The following RORB variants were observed in gnomAD, a reference collection of about 807,000 sequenced individuals.
RORB encodes nuclear receptor ROR-beta.
A neutral mutation model predicts 59.1 loss-of-function variants in RORB; 6 were observed. That is an observed-to-expected ratio of 0.10 (90% CI 0.06 to 0.20). The LOEUF is 0.20. Among genes scored for constraint, RORB ranks in the 10% least tolerant of loss-of-function variants. The pLI is 1.00. For missense variants in RORB, 320 were observed against 560.5 expected, an observed-to-expected ratio of 0.57 and a Z score of 4.33; for synonymous variants, 215 against 204.5, an observed-to-expected ratio of 1.05 and a Z score of -0.44.
chr9:74,642,380 C>A (rs1823823102), intron 3 of RORB, 34 bp from the exon 4 acceptor site: 8 of 1,572,198 alleles, frequency 5.1e-6, no homozygotes, highest in Non-Finnish European at 6.9e-6. Context: ...ATGATAACCA[C>A]AAGTGCTGTT....
rs75685222 is a variant in RORB at position 74,574,236 on chromosome 9, C to A, written c.8-56046C>A. Reference sequence around the variant, plus strand: ...CCCACTACCTGATTAGCAAACAGATCCAGCCCTGAGTCAGTTTCAGGGGTC... The same window carrying A: ...CCCACTACCTGATTAGCAAACAGATACAGCCCTGAGTCAGTTTCAGGGGTC... On this transcript the variant is annotated intron_variant, in intron 1 of 9. Coordinates refer to ENST00000376896, the MANE Select transcript of RORB (RefSeq NM_006914.4). Among the ~76,000 whole-genome samples, 527 of 152,196 alleles carry A rather than the reference C, an allele frequency of 3.5e-3. 3 individuals are homozygous for A. The highest frequency in any genetic ancestry group is 4.2e-3 in the Non-Finnish European group (286 of 68,000).
chr9:74,522,793 G>A (rs1302281537), intron 1 of RORB, among the ~76,000 whole-genome samples: 2 of 151,794 alleles, frequency 1.3e-5, no homozygotes, highest in African/African-American at 4.8e-5. Flanking sequence ...ACTGTACCCA[G>A]ATAATCAACC....
intron 9 of RORB, among the ~76,000 whole-genome samples, chr9:74,676,463 G>A (rs555891020): frequency 1.3e-5 from 2 of 152,242 alleles, no homozygotes; most frequent in Admixed American, 6.5e-5. Flanking sequence ...GGCTTAGAGA[G>A]GATGTTGCTT....
At chr9:74,509,743 A>T (rs1163622815) in intron 1 of RORB, among the ~76,000 whole-genome samples, 1 of 152,096 alleles carries the variant, frequency 6.6e-6, no homozygotes, top group East Asian at 1.9e-4. Flanking sequence ...CACTATTTAA[A>T]TCAAAGGCCT....
intron 4 of RORB, among the ~76,000 whole-genome samples, chr9:74,658,516 T>C (rs11144044): frequency 0.15 from 22,152 of 152,180 alleles, 1,821 homozygotes; most frequent in African/African-American, 0.2. Context: ...ATAAAGTTTT[T>C]CACAATACAA....
intron 1 of RORB, among the ~76,000 whole-genome samples, chr9:74,580,738 T>C (rs1356952382): frequency 6.6e-6 from 1 of 152,144 alleles, no homozygotes; most frequent in Admixed American, 6.6e-5. Context: ...AAACAGGTGA[T>C]AAGAAAACTC....
intron 7 of RORB, among the ~76,000 whole-genome samples, chr9:74,666,833 C>T (rs1048017322): frequency 1.3e-5 from 2 of 152,174 alleles, no homozygotes; most frequent in South Asian, 2.1e-4. Flanking sequence ...CACATCCAGT[C>T]ATCAGTGCAT....
chr9:74,627,962 T>C (rs1279937773), intron 1 of RORB, among the ~76,000 whole-genome samples: 1 of 152,178 alleles, frequency 6.6e-6, no homozygotes, highest in Non-Finnish European at 1.5e-5. Context: ...ATGATGATAA[T>C]GAAGACTAAC....
chr9:74,525,734 A>G (rs1004767068), intron 1 of RORB, among the ~76,000 whole-genome samples: 4 of 151,904 alleles, frequency 2.6e-5, no homozygotes, highest in African/African-American at 9.7e-5. Context: ...ATAGAATTCT[A>G]CTGTTTTTTG....
At chr9:74,507,920 A>C (rs1157666479) in intron 1 of RORB, among the ~76,000 whole-genome samples, 4 of 152,054 alleles carry the variant, frequency 2.6e-5, no homozygotes, top group Non-Finnish European at 5.9e-5. Context: ...TTTGTTCAGG[A>C]AAAACACATC....
At chr9:74,647,388 T>A (rs1198998246) in intron 4 of RORB, among the ~76,000 whole-genome samples, 2 of 152,188 alleles carry the variant, frequency 1.3e-5, no homozygotes, top group East Asian at 3.8e-4. Flanking sequence ...CTACAACGTC[T>A]CAGACAACAA....
At chr9:74,657,881 TGTAATCA>T (rs1824110308) in intron 4 of RORB, among the ~76,000 whole-genome samples, 1 of 151,608 alleles carries the variant, frequency 6.6e-6, no homozygotes, top group South Asian at 2.1e-4. Context: ...GGTGGGCACC[TGTAATCA>T]CAGCTACTCG....
intron 1 of RORB, among the ~76,000 whole-genome samples, chr9:74,510,043 C>T (rs540047660): frequency 2.0e-5 from 3 of 152,204 alleles, no homozygotes; most frequent in South Asian, 4.1e-4. Flanking sequence ...TTTAAAAGCA[C>T]AGTTATTAGT....
At position 74,686,661 on chromosome 9, in the gene RORB, G is replaced by A. The variant is rs1056809635; in HGVS notation, c.*1043G>A. The stretch of plus-strand genomic sequence containing the variant: ...CAATTTTTTTCTAGGAAAGTTAAAA[G>A]AATAAATCAGAACCCAGGGCAACAA... On this transcript the variant is annotated 3_prime_UTR_variant, in exon 10 of 10. Coordinates refer to ENST00000376896, the MANE Select transcript of RORB (RefSeq NM_006914.4). The A allele has an allele frequency of 6.6e-6, 1 of 152,346 alleles. No homozygotes were observed. The highest frequency in any genetic ancestry group is 1.5e-5 in the Non-Finnish European group (1 of 67,998). 9.4% of individuals were successfully genotyped at this position (152,346 alleles called of 1,614,324 possible).
At chr9:74,592,877 G>C (rs557578760) in intron 1 of RORB, among the ~76,000 whole-genome samples, 20 of 151,446 alleles carry the variant, frequency 1.3e-4, no homozygotes, top group African/African-American at 4.6e-4. Context: ...ACATGCACAC[G>C]CACACACACG....
intron 9 of RORB, among the ~76,000 whole-genome samples, chr9:74,675,757 C>A (rs1182457084): frequency 6.6e-6 from 1 of 152,132 alleles, no homozygotes; most frequent in Non-Finnish European, 1.5e-5. Context: ...AGGAGGAGCT[C>A]CATGACTTGT....
chr9:74,608,421 G>T (rs1048375785), intron 1 of RORB, among the ~76,000 whole-genome samples: 1 of 151,932 alleles, frequency 6.6e-6, no homozygotes, highest in Non-Finnish European at 1.5e-5. Flanking sequence ...AAAATAAGCC[G>T]GGCGTGGTGG....
In RORB at chr9:74,684,536, A is replaced by G. The variant is rs79657647; in HGVS notation, c.1225-927A>G. Among the ~76,000 whole-genome samples, 425 of 152,258 alleles carry G rather than the reference A, an allele frequency of 2.8e-3. 3 individuals are homozygous for G. Among genetic ancestry groups the G allele is most frequent in the African/African-American group, 9.6e-3 (398 of 41,502 alleles). ...GATGGATTCGAAATGTGCCTAAACT[A>G]TAAGTATGTTAAAAGCTGGAATTGT... On this transcript the variant is annotated intron_variant, in intron 9 of 9. Transcript: ENST00000376896.
intron 1 of RORB, among the ~76,000 whole-genome samples, chr9:74,571,080 C>T (rs761046952): frequency 5.3e-5 from 8 of 151,852 alleles, no homozygotes; most frequent in Non-Finnish European, 1.2e-4. Context: ...ATTAAAGTTT[C>T]ATCCCAAGGC....
Sources: allele counts gnomAD v4.1 joint callset (sites outside exome capture counted in the v4.1 genomes callset), GRCh38; gene constraint gnomAD v4.1.1; transcripts MANE v1.5; gene names NCBI Gene and HGNC (gene_info 2026-07-23, HGNC 2026-07-21).